The following LRRC8C variants were observed in gnomAD, a reference collection of about 807,000 sequenced individuals.
LRRC8C encodes the protein volume-regulated anion channel subunit LRRC8C.
Under a neutral mutation model 55.3 loss-of-function variants are expected in LRRC8C, and 20 were observed. That is an observed-to-expected ratio of 0.36 (90% CI 0.25 to 0.53). LRRC8C has a LOEUF of 0.53. LRRC8C is among the 20% of genes least tolerant of loss of function. The pLI is 0.92. For synonymous variants in LRRC8C, 376 were observed against 360.7 expected (o/e 1.04, Z -0.48); for missense variants, 659 against 951.4 (o/e 0.69, Z 4.04).
chr1:89,665,512 A>G (rs1024066655), intron 1 of LRRC8C, among the ~76,000 whole-genome samples: 9 of 152,206 alleles, frequency 5.9e-5, no homozygotes, highest in African/African-American at 1.7e-4. Flanking sequence ...TAAAAAGCAA[A>G]ATATAATAAT....
At chr1:89,636,191 T>C (rs1656277005) in intron 1 of LRRC8C, among the ~76,000 whole-genome samples, 1 of 152,214 alleles carries the variant, frequency 6.6e-6, no homozygotes, top group South Asian at 2.1e-4. Flanking sequence ...TTACTTGTAA[T>C]AGTGCATGTA....
intron 2 of LRRC8C, among the ~76,000 whole-genome samples, chr1:89,695,165 G>T (rs1488722498): frequency 6.6e-6 from 1 of 151,754 alleles, no homozygotes; most frequent in Non-Finnish European, 1.5e-5. Flanking sequence ...CAGGTGATCT[G>T]CCCCCCTCGG....
intron 1 of LRRC8C, among the ~76,000 whole-genome samples, chr1:89,666,610 T>C (rs1023307495): frequency 5.3e-5 from 8 of 152,156 alleles, no homozygotes; most frequent in Non-Finnish European, 1.2e-4. Flanking sequence ...GCAGGTATCA[T>C]GAGAAAATGC....
At chr1:89,620,192 C>A in the LRRC8C span, among the ~76,000 whole-genome samples, 9 of 152,154 alleles carry the variant, frequency 5.9e-5, no homozygotes, top group Non-Finnish European at 1.0e-4. Flanking sequence ...AAGCCTCTAT[C>A]ATGAGGGCAT....
At chr1:89,627,858 C>A in the LRRC8C span, among the ~76,000 whole-genome samples, 2 of 152,206 alleles carry the variant, frequency 1.3e-5, no homozygotes, top group African/African-American at 4.8e-5. Context: ...ACACATTGAG[C>A]ATCCCAAATC....
chr1:89,627,952 T>A, the LRRC8C span, among the ~76,000 whole-genome samples: 5 of 152,242 alleles, frequency 3.3e-5, no homozygotes, highest in African/African-American at 7.2e-5. Context: ...GAATTTGGTA[T>A]GCTCAACTGG....
intron 2 of LRRC8C, among the ~76,000 whole-genome samples, chr1:89,696,312 T>C (rs1021241730): frequency 2.0e-5 from 3 of 152,216 alleles, no homozygotes; most frequent in African/African-American, 7.2e-5. Context: ...CTCAAGCACT[T>C]TCTTTGCCTA....
chr1:89,701,855 A>G (rs1036667512), intron 2 of LRRC8C, among the ~76,000 whole-genome samples: 4 of 152,190 alleles, frequency 2.6e-5, no homozygotes, highest in Non-Finnish European at 5.9e-5. Flanking sequence ...GGAACGCTGA[A>G]TGGGTCTGAA....
intron 1 of LRRC8C, among the ~76,000 whole-genome samples, chr1:89,645,958 C>CAGATAGATAGATAGATAGATAGAT (rs57855698): frequency 0.023 from 3,462 of 150,284 alleles, 72 homozygotes; most frequent in African/African-American, 0.051. Context: ...GGAAGATGAT[C>CAGATAGATAGATAGATAGATAGAT]AGATAGATAG....
intron 2 of LRRC8C, among the ~76,000 whole-genome samples, chr1:89,689,707 G>A (rs1657977181): frequency 6.6e-6 from 1 of 152,148 alleles, no homozygotes; most frequent in Non-Finnish European, 1.5e-5. Flanking sequence ...TTGGGAGACC[G>A]AGGTGGGTGG....
At chr1:89,673,763 T>G (rs546991111) in intron 1 of LRRC8C, among the ~76,000 whole-genome samples, 4 of 152,356 alleles carry the variant, frequency 2.6e-5, no homozygotes, top group African/African-American at 9.6e-5. Flanking sequence ...TTCATGGACC[T>G]TATAGCCTAG....
At chr1:89,647,975 G>A (rs1046032393) in intron 1 of LRRC8C, among the ~76,000 whole-genome samples, 5 of 152,144 alleles carry the variant, frequency 3.3e-5, no homozygotes, top group Admixed American at 6.5e-5. Context: ...AGGCTGAGGC[G>A]GGAGGATGGC....
intron 1 of LRRC8C, among the ~76,000 whole-genome samples, chr1:89,649,425 C>G (rs1328960973): frequency 6.6e-6 from 1 of 152,106 alleles, no homozygotes; most frequent in African/African-American, 2.4e-5. Context: ...TTTTGTTGTT[C>G]TTGTTCCTTA....
chr1:89,632,167 C>G (rs1656124927), upstream of LRRC8C: 1 of 152,216 alleles, frequency 6.6e-6, no homozygotes. Flanking sequence ...ATTTTCCAAA[C>G]AGAGAGCTGC....
chr1:89,677,612 A>G (rs1020700960), intron 1 of LRRC8C, among the ~76,000 whole-genome samples: 4 of 152,220 alleles, frequency 2.6e-5, no homozygotes, highest in Non-Finnish European at 5.9e-5. Context: ...ATAGTTCACC[A>G]TTAGCTGTGT....
chr1:89,666,203 A>G (rs1354420542), intron 1 of LRRC8C, among the ~76,000 whole-genome samples: 1 of 152,172 alleles, frequency 6.6e-6, no homozygotes, highest in African/African-American at 2.4e-5. Flanking sequence ...CTTAATAAAC[A>G]TGTACATTCC....
chr1:89,659,523 T>C (rs2101211091), intron 1 of LRRC8C, among the ~76,000 whole-genome samples: 1 of 152,290 alleles, frequency 6.6e-6, no homozygotes, highest in South Asian at 2.1e-4. Flanking sequence ...GTAATATGTA[T>C]GATGCTCCTG....
chr1:89,626,077 A>G, the LRRC8C span, among the ~76,000 whole-genome samples: 1 of 152,204 alleles, frequency 6.6e-6, no homozygotes, highest in African/African-American at 2.4e-5. Flanking sequence ...TTGTAGATTT[A>G]ATTAATAGGT....
At chr1:89,639,243 C>T (rs1298998553) in intron 1 of LRRC8C, among the ~76,000 whole-genome samples, 2 of 152,024 alleles carry the variant, frequency 1.3e-5, no homozygotes, top group Admixed American at 1.3e-4. Context: ...CCTCAGCCTC[C>T]CCAAGTACTG....
Sources: gnomAD v4.1 joint callset for allele counts (sites outside exome capture counted in the v4.1 genomes callset) on GRCh38, gnomAD v4.1.1 for gene constraint, MANE v1.5 for transcripts, NCBI Gene and HGNC (gene_info 2026-07-23, HGNC 2026-07-21) for gene names.